The following BRCA2 variants were observed in gnomAD, a reference collection of about 807,000 sequenced individuals.
The protein encoded by BRCA2 is breast cancer type 2 susceptibility protein.
Under a neutral mutation model 276.7 loss-of-function variants are expected in BRCA2, and 203 were observed. That is an observed-to-expected ratio of 0.73 (90% CI 0.65 to 0.82). The LOEUF (loss-of-function observed/expected upper bound fraction) is 0.82. Ranked by LOEUF, BRCA2 falls within the 40% of genes least tolerant of loss-of-function variation. The pLI is 0.00. For missense variants in BRCA2, 3,920 were observed against 3,915.0 expected (o/e 1.00, Z -0.03); for synonymous variants, 1,289 against 1,338.4 (o/e 0.96, Z 0.81).
chr13:32,361,277 G>T lies in BRCA2; in HGVS notation c.7806-1246G>T, dbSNP rs2072735864. On this transcript the variant is annotated intron_variant, in intron 16 of 26. Coordinates refer to ENST00000380152, the MANE Select transcript of BRCA2 (RefSeq NM_000059.4). ...GTGGAAGCTGCTTCTAATAGGTAAA[G>T]TAAGATGAGGACTGAGATTGGCCGC... Among the ~76,000 whole-genome samples, 3 of 152,194 alleles carry T rather than the reference G, an allele frequency of 2.0e-5. No homozygotes were observed. The South Asian group carries it at 6.2e-4, about 32-fold the overall frequency.
At chr13:32,359,345 TAAAC>T (rs1255935382) in intron 16 of BRCA2, among the ~76,000 whole-genome samples, 3 of 151,380 alleles carry the variant, frequency 2.0e-5, no homozygotes, top group African/African-American at 7.3e-5. Flanking sequence ...AAAATATAAA[TAAAC>T]ACTAAAAGTT....
At chr13:32,341,323 G>A in intron 11 of BRCA2, 127 bp downstream of exon 11, 1 of 1,332,396 alleles carries the variant, frequency 7.5e-7, no homozygotes. Flanking sequence ...TGTGTAGTCA[G>A]TTTGGGGGAG....
At chr13:32,375,324 A>AT in intron 20 of BRCA2, 1 of 434,272 alleles carries the variant, frequency 2.3e-6, no homozygotes, top group Non-Finnish European at 4.6e-6. Flanking sequence ...TTCTCTTGCT[A>AT]TTTTCACCAT....
rs81002810 is a variant in BRCA2, at chr13:32,357,932, A to C, written c.7805+3A>C. The C allele has an allele frequency of 6.2e-7, 1 of 1,612,356 alleles. No homozygotes were observed. Among genetic ancestry groups the C allele is most frequent in the Non-Finnish European group, 8.5e-7 (1 of 1,178,536 alleles). ...GCTGGAAAAGAAGAATTTTATAGGTACTCTATGCAAAAAGATTGTGTGTTA... is the reference window on the plus strand; with the variant it reads ...GCTGGAAAAGAAGAATTTTATAGGTCCTCTATGCAAAAAGATTGTGTGTTA... On this transcript the variant is annotated splice_donor_region_variant and intron_variant, in intron 16 of 26. Transcript: ENST00000380152.
Position 32,363,507 on chromosome 13 carries a change from G to C in BRCA2, c.8305G>C (p.Glu2769Gln), listed in dbSNP as rs1064794185. The change falls in exon 18 of 27, where the codon GAA becomes CAA. Residue 2769 changes from glutamate (E) to glutamine (Q), a missense_variant. Physicochemically the swap from Glu to Gln is conservative, Grantham distance 29. Around this residue, in one of 2 missense-constraint regions of BRCA2, gnomAD observed 3,263 missense variants for 3,156.9 expected, o/e 1.03. Coordinates refer to ENST00000380152, the MANE Select transcript of BRCA2 (RefSeq NM_000059.4). The stretch of plus-strand genomic sequence containing the variant: ...CTCTCCTGATGCCTGTACACCTCTT[G>C]AAGCCCCAGAATCTCTTATGTTAAA... ...VGSPDACTPL[E>Q]APESLMLKIS... 6.2e-7 allele frequency: 1 copy of C among 1,613,868 alleles called. No homozygotes were observed. Among genetic ancestry groups the C allele is most frequent in the Non-Finnish European group, 8.5e-7 (1 of 1,179,840 alleles).
intron 12 of BRCA2, among the ~76,000 whole-genome samples, chr13:32,345,731 CATAAACACCTT>C (rs2072606512): frequency 6.6e-6 from 1 of 151,962 alleles, no homozygotes; most frequent in Non-Finnish European, 1.5e-5. Context: ...ATTTAAGTTT[CATAAACACCTT>C]ATACATATAA....
intron 20 of BRCA2, among the ~76,000 whole-genome samples, chr13:32,374,782 A>G (rs2072859465): frequency 1.3e-5 from 2 of 152,270 alleles, no homozygotes; most frequent in African/African-American, 4.8e-5. Flanking sequence ...TGAGCCCTCC[A>G]AACTCTTCCA....
chr13:32,364,822 A>C (rs2072769708), intron 18 of BRCA2, among the ~76,000 whole-genome samples: 1 of 152,028 alleles, frequency 6.6e-6, no homozygotes, highest in African/African-American at 2.4e-5. Flanking sequence ...TGAAGTGCTC[A>C]TTTTCTATGT....
Position 32,393,945 on chromosome 13 carries a change from G to C in BRCA2, c.9257-744G>C, listed in dbSNP as rs149562057. ...CTCCTTTTTCCCCCACTCACACCCT[G>C]TTCCTTTAGTTTCTGAGTTTATCCT... On this transcript the variant is annotated intron_variant, in intron 24 of 26. Transcript: ENST00000380152. Among the ~76,000 whole-genome samples the C allele has an allele frequency of 1.2e-3, 185 of 152,192 alleles. 2 individuals carry two copies. The highest frequency in any genetic ancestry group is 4.2e-3 in the African/African-American group (173 of 41,524).
chr13:32,325,215 A>G (rs1169497821), intron 4 of BRCA2, 31 bp downstream of exon 4: 2 of 1,403,668 alleles, frequency 1.4e-6, no homozygotes, highest in African/African-American at 2.9e-5. Context: ...TAAAATATTT[A>G]AATGAAACAT....
intron 10 of BRCA2, among the ~76,000 whole-genome samples, chr13:32,334,560 G>C (rs746723142): frequency 9.9e-5 from 15 of 151,710 alleles, no homozygotes; most frequent in Non-Finnish European, 1.9e-4. Flanking sequence ...TGATGTTGTA[G>C]CTACTCAGGA....
rs528810278 is a variant in BRCA2, at chr13:32,338,681, A to G, written c.4326A>G (p.Ser1442=). The change falls in exon 11 of 27, where the codon TCA becomes TCG. Residue 1442 remains serine, a synonymous_variant. Coordinates refer to ENST00000380152, the MANE Select transcript of BRCA2 (RefSeq NM_000059.4). Reference sequence around the variant, plus strand: ...AAAATATTAGTGTCGCCAAAGAGTCATTTAATAAAATTGTAAATTTCTTTG... The same window carrying G: ...AAAATATTAGTGTCGCCAAAGAGTCGTTTAATAAAATTGTAAATTTCTTTG... ...SGKNISVAKE[S]FNKIVNFFDQ... 6.3e-7 allele frequency: 1 copy of G among 1,593,302 alleles called. No individual in the cohort carries two copies. The highest frequency in any genetic ancestry group is 1.7e-5 in the Admixed American group (1 of 57,926).
At chr13:32,396,823 T>G in intron 25 of BRCA2, 75 bp from the exon 26 acceptor site, 1 of 1,575,814 alleles carries the variant, frequency 6.3e-7, no homozygotes. Context: ...TTTCTGCTTT[T>G]AAAGGAAATA....
At chr13:32,345,711 C>T (rs1276695067) in intron 12 of BRCA2, among the ~76,000 whole-genome samples, 1 of 151,936 alleles carries the variant, frequency 6.6e-6, no homozygotes, top group African/African-American at 2.4e-5. Flanking sequence ...CAAGTCTAAA[C>T]ACGAAATTTA....
At position 32,340,201 on chromosome 13, in the gene BRCA2, A is replaced by T. The variant is rs431825336; in HGVS notation, c.5846A>T (p.Asp1949Val). The T allele has an allele frequency of 1.2e-6, 2 of 1,613,856 alleles. No homozygotes were observed. The highest frequency in any genetic ancestry group is 1.3e-5 in the African/African-American group (1 of 75,052). ...AAAGTTTCTAAAATATCACCTTGTGATGTTAGTTTGGAAACTTCAGATATA... is the reference window on the plus strand; with the variant it reads ...AAAGTTTCTAAAATATCACCTTGTGTTGTTAGTTTGGAAACTTCAGATATA... Reference protein sequence around the residue: ...LEKVSKISPCDVSLETSDICK... With the variant: ...LEKVSKISPCVVSLETSDICK... Residue 1949 changes from aspartate to valine, a missense_variant, in exon 11 of 27, where the codon GAT (aspartate) becomes GTT (valine). Around this residue, in one of 2 missense-constraint regions of BRCA2, gnomAD observed 3,263 missense variants for 3,156.9 expected, o/e 1.03. Coordinates refer to ENST00000380152, the MANE Select transcript of BRCA2 (RefSeq NM_000059.4).
intron 16 of BRCA2, among the ~76,000 whole-genome samples, chr13:32,360,014 G>T (rs1018691040): frequency 3.3e-5 from 5 of 152,206 alleles, no homozygotes; most frequent in Non-Finnish European, 7.3e-5. Flanking sequence ...ATACTATAAA[G>T]ATAGATAAAG....
intron 18 of BRCA2, among the ~76,000 whole-genome samples, chr13:32,369,728 C>T (rs2137594877): frequency 6.6e-6 from 1 of 152,260 alleles, no homozygotes; most frequent in Admixed American, 6.5e-5. Flanking sequence ...CGCCCACCAC[C>T]TCACCTGGCT....
intron 24 of BRCA2, among the ~76,000 whole-genome samples, chr13:32,388,791 C>T (rs1299728593): frequency 6.6e-6 from 1 of 150,526 alleles, no homozygotes; most frequent in East Asian, 1.9e-4. Context: ...CTACCTTTGT[C>T]GAATTTAAAG....
Position 32,359,790 on chromosome 13 carries a change from G to A in BRCA2, c.7805+1861G>A, listed in dbSNP as rs191272754. On this transcript the variant is annotated intron_variant, in intron 16 of 26. Coordinates refer to ENST00000380152, the MANE Select transcript of BRCA2 (RefSeq NM_000059.4). ...AGAAGTTAAGAATGATTGCCCTGTA[G>A]TCTAAGTGGAAATGTGGAGGCTTTC... Among the ~76,000 whole-genome samples, 688 of 152,294 alleles carry A rather than the reference G, an allele frequency of 4.5e-3. 3 individuals are homozygous for A. The highest frequency in any genetic ancestry group is 7.4e-3 in the Non-Finnish European group (504 of 68,028).
Sources: gnomAD v4.1 joint callset for allele counts (sites outside exome capture counted in the v4.1 genomes callset) on GRCh38, gnomAD v4.1.1 for gene constraint, gnomAD v4.1.1 regional missense constraint, MANE v1.5 for transcripts, NCBI Gene and HGNC (gene_info 2026-07-23, HGNC 2026-07-21) for gene names.